CFAP100: variants seen among roughly 807,000 people sequenced by gnomAD.
The protein encoded by CFAP100 is cilia- and flagella-associated protein 100.
CFAP100 carries 70 observed loss-of-function variants against 81.5 expected under a neutral mutation model. The observed-to-expected ratio is 0.86, with a 90% CI of 0.71 to 1.05. CFAP100 has a LOEUF of 1.05. Ranked by LOEUF, CFAP100 falls within the 50% of genes least tolerant of loss-of-function variation. The pLI, the probability that CFAP100 is intolerant of heterozygous loss-of-function variation, is 0.00. For synonymous variants in CFAP100, 341 were observed against 314.8 expected (o/e 1.08, Z -0.88); for missense variants, 811 against 776.5 (o/e 1.04, Z -0.53).
chr3:126,407,074 C>T (rs978433234), intron 2 of CFAP100, 98 bp from the exon 3 acceptor site: 17 of 750,566 alleles, frequency 2.3e-5, no homozygotes, highest in Middle Eastern at 3.3e-4. Flanking sequence ...GAGGTTGAGC[C>T]TTTGTGTGTC....
At chr3:126,404,692 T>G (rs2083036261) in intron 2 of CFAP100, among the ~76,000 whole-genome samples, 2 of 152,188 alleles carry the variant, frequency 1.3e-5, no homozygotes, top group African/African-American at 4.8e-5. Context: ...GTTTTTTTTC[T>G]GAGATGGAGT....
intron 7 of CFAP100, 109 bp downstream of exon 7, chr3:126,418,883 C>T: frequency 7.4e-7 from 1 of 1,350,462 alleles, no homozygotes; most frequent in South Asian, 1.3e-5. Context: ...TGCAACTCCT[C>T]TGGAAGCACC....
At chr3:126,435,769 C>T in intron 16 of CFAP100, 117 bp downstream of exon 16, 1 of 759,716 alleles carries the variant, frequency 1.3e-6, no homozygotes, top group Non-Finnish European at 2.1e-6. Context: ...CAATGAGGCT[C>T]TGAGGGAGAC....
intron 13 of CFAP100, among the ~76,000 whole-genome samples, chr3:126,424,209 C>A (rs1476457473): frequency 6.6e-6 from 1 of 152,220 alleles, no homozygotes; most frequent in East Asian, 1.9e-4. Flanking sequence ...CAGCCCTGAG[C>A]ACGAGGACAT....
At chr3:126,414,491 A>G (rs2083203768) in intron 4 of CFAP100, 1 of 612,088 alleles carries the variant, frequency 1.6e-6, no homozygotes, top group Non-Finnish European at 2.9e-6. Flanking sequence ...GTGAAATGCC[A>G]TCCTCTCCTG....
chr3:126,418,944 C>T, intron 7 of CFAP100, 132 bp from the exon 8 acceptor site: 1 of 995,612 alleles, frequency 1.0e-6, no homozygotes. Context: ...AAAGGCTTAA[C>T]TGTGTGGCTC....
rs548716292 is a variant in CFAP100, at chr3:126,414,481, G to A, written c.225+302G>A. 1.2e-4 allele frequency: 73 copies of A among 612,080 alleles called. 1 individual carries two copies. The highest frequency in any genetic ancestry group is 1.1e-3 in the South Asian group (59 of 51,338). The allele number at this position is 612,080 out of a possible 1,614,324, so 37.9% of individuals were successfully genotyped here. On this transcript the variant is annotated intron_variant, in intron 4 of 16. Transcript: ENST00000352312. Reference sequence around the variant, plus strand: ...CGCCGCCACTTCCACTGCTGCCTGCGTGAAATGCCATCCTCTCCTGACACT... The same window carrying A: ...CGCCGCCACTTCCACTGCTGCCTGCATGAAATGCCATCCTCTCCTGACACT...
intron 11 of CFAP100, 97 bp downstream of exon 11, chr3:126,420,326 AAAGT>A: frequency 4.0e-6 from 6 of 1,499,712 alleles, no homozygotes; most frequent in Non-Finnish European, 5.4e-6. Flanking sequence ...CACAGAAAAG[AAAGT>A]GTGTTACTCA....
intron 15 of CFAP100, 123 bp downstream of exon 15, chr3:126,434,504 G>A (rs1445091589): frequency 1.0e-5 from 10 of 962,060 alleles, no homozygotes; most frequent in African/African-American, 1.7e-5. Context: ...TGTGCTATGA[G>A]AGACAAAAGC....
chr3:126,400,428 G>C (rs913856753), intron 2 of CFAP100, among the ~76,000 whole-genome samples: 3 of 152,188 alleles, frequency 2.0e-5, no homozygotes, highest in African/African-American at 7.2e-5. Context: ...CATTGTTGGT[G>C]AAAGTGTAAA....
intron 2 of CFAP100, among the ~76,000 whole-genome samples, chr3:126,402,600 C>T (rs1576616675): frequency 6.6e-6 from 1 of 152,070 alleles, no homozygotes; most frequent in East Asian, 1.9e-4. Context: ...CTGACAGAGG[C>T]TGTGGCTGGG....
chr3:126,418,033 T>A, intron 5 of CFAP100: 1 of 186,028 alleles, frequency 5.4e-6, no homozygotes, highest in Non-Finnish European at 1.1e-5. Context: ...TCTGCCCAGT[T>A]TGCTCGGGGG....
chr3:126,419,228 G>T (rs2083291551), intron 8 of CFAP100, 72 bp downstream of exon 8: 1 of 1,026,150 alleles, frequency 9.7e-7, no homozygotes, highest in African/African-American at 1.6e-5. Flanking sequence ...CCTGGCCAAG[G>T]GAAGCCTAGC....
chr3:126,395,979 A>G lies in CFAP100; in HGVS notation c.-22A>G. 1 of 1,607,068 alleles carries G rather than the reference A, an allele frequency of 6.2e-7. No individual in the cohort carries two copies. Among genetic ancestry groups the G allele is most frequent in the Non-Finnish European group, 8.5e-7 (1 of 1,173,618 alleles). The stretch of plus-strand genomic sequence containing the variant: ...TTTAGAAGAGGAGAAGCCTTGCATC[A>G]ACCTCTTGGGCCTCAGCCAAGATGT... On this transcript the variant is annotated 5_prime_UTR_variant, in exon 2 of 17. Transcript: ENST00000352312.
chr3:126,432,440 C>T (rs963992104), intron 13 of CFAP100, among the ~76,000 whole-genome samples: 2 of 152,156 alleles, frequency 1.3e-5, no homozygotes, highest in East Asian at 3.9e-4. Flanking sequence ...TGGAAACAAC[C>T]CAAATGCCCA....
intron 5 of CFAP100, 115 bp from the exon 6 acceptor site, chr3:126,418,343 G>C: frequency 2.4e-6 from 2 of 834,454 alleles, no homozygotes; most frequent in Non-Finnish European, 4.0e-6. Flanking sequence ...GTAGTCACCT[G>C]GGCGTGGACG....
At chr3:126,396,831 C>T (rs1361171201) in intron 2 of CFAP100, among the ~76,000 whole-genome samples, 2 of 152,238 alleles carry the variant, frequency 1.3e-5, no homozygotes, top group African/African-American at 4.8e-5. Flanking sequence ...CTGAGGGAGG[C>T]TGCCCAGGCC....
At chr3:126,404,255 A>G (rs1291902446) in intron 2 of CFAP100, among the ~76,000 whole-genome samples, 1 of 151,614 alleles carries the variant, frequency 6.6e-6, no homozygotes, top group Non-Finnish European at 1.5e-5. Context: ...AAGAGTATCA[A>G]GCTAAAATAA....
chr3:126,398,930 C>T (rs777717526), intron 2 of CFAP100, among the ~76,000 whole-genome samples: 14 of 152,184 alleles, frequency 9.2e-5, no homozygotes, highest in South Asian at 2.1e-4. Context: ...TCAACTTCAC[C>T]GGCTCCATCC....
Sources: gnomAD v4.1 joint callset for allele counts (sites outside exome capture counted in the v4.1 genomes callset) on GRCh38, gnomAD v4.1.1 for gene constraint, MANE v1.5 for transcripts, NCBI Gene and HGNC (gene_info 2026-07-23, HGNC 2026-07-21) for gene names.